Variants in AK9 observed in about 807,000 individuals in gnomAD.
The protein encoded by AK9 is adenylate kinase domain containing 1.
Under a neutral mutation model 239.6 loss-of-function variants are expected in AK9, and 191 were observed. The observed-to-expected ratio is 0.80, with a 90% CI of 0.71 to 0.90. The LOEUF is 0.90. AK9 is among the 40% of genes least tolerant of loss of function. AK9 has a pLI of 0.00. For missense variants in AK9, 1,995 were observed against 2,214.7 expected, an observed-to-expected ratio of 0.90 and a Z score of 1.99; for synonymous variants, 689 against 721.0, an observed-to-expected ratio of 0.96 and a Z score of 0.71.
In AK9 at chr6:109,573,514, G is replaced by C. The variant is rs1288951954; in HGVS notation, c.2272C>G (p.His758Asp). 1 of 1,551,378 alleles carries C rather than the reference G, an allele frequency of 6.4e-7. No homozygotes were observed. The highest frequency in any genetic ancestry group is 2.0e-5 in the Admixed American group (1 of 50,988). ...GGTAACCATGACCCTCGGGTATCGT[G>C]AGATGCCTCAGGCTCTTCGTGAACT... ...LEVHEEPEAS[H>D]DTRGSWLPEE... Residue 758 changes from histidine (H) to aspartate (D), a missense_variant, in exon 21 of 41, where the codon CAC (histidine) becomes GAC (aspartate). Coordinates refer to ENST00000424296, the MANE Select transcript of AK9 (RefSeq NM_001145128.3).
chr6:109,606,992 C>A (rs998807215), intron 17 of AK9, among the ~76,000 whole-genome samples: 2 of 151,982 alleles, frequency 1.3e-5, no homozygotes, highest in Non-Finnish European at 2.9e-5. Context: ...TAAAATATAA[C>A]CTATTTTCTT....
At chr6:109,498,079 G>T in intron 36 of AK9, 114 bp from the exon 37 acceptor site, 1 of 986,418 alleles carries the variant, frequency 1.0e-6, no homozygotes, top group Non-Finnish European at 1.5e-6. Context: ...GCGTTCTGCT[G>T]CTCCTCAAAC....
At chr6:109,657,931 T>G (rs1424527805) in intron 7 of AK9, among the ~76,000 whole-genome samples, 1 of 152,168 alleles carries the variant, frequency 6.6e-6, no homozygotes, top group Admixed American at 6.6e-5. Context: ...CTTTCCCATT[T>G]TTATCAATGT....
At chr6:109,672,053 T>C (rs1408439008) in intron 4 of AK9, 38 bp from the exon 5 acceptor site, 11 of 1,610,166 alleles carry the variant, frequency 6.8e-6, no homozygotes, top group Non-Finnish European at 9.3e-6. Flanking sequence ...TACTGTATAA[T>C]ATATCTATGA....
At chr6:109,587,851 C>A (rs1789714492) in intron 17 of AK9, among the ~76,000 whole-genome samples, 1 of 152,090 alleles carries the variant, frequency 6.6e-6, no homozygotes, top group Admixed American at 6.5e-5. Context: ...ATTTTTAGTT[C>A]TTTGAGAAAT....
chr6:109,555,055 T>C (rs1261415884), intron 24 of AK9, among the ~76,000 whole-genome samples: 2 of 152,202 alleles, frequency 1.3e-5, no homozygotes. Flanking sequence ...TTCTGCTAGC[T>C]TTTGGATTAG....
At position 109,585,253 on chromosome 6, in the gene AK9, G is replaced by T. The variant is rs779480247; in HGVS notation, c.2000-16C>A. On this transcript the variant is annotated splice_polypyrimidine_tract_variant and intron_variant, in intron 18 of 40. Transcript: ENST00000424296. ...AAACATTTTCCTGAAATACAGATAAGGAGACTAATATTACTTTTGTAGCTT... is the reference window on the plus strand; with the variant it reads ...AAACATTTTCCTGAAATACAGATAATGAGACTAATATTACTTTTGTAGCTT... 2.7e-6 allele frequency: 2 copies of T among 747,646 alleles called. No homozygotes were observed. The highest frequency in any genetic ancestry group is 3.5e-6 in the Non-Finnish European group (2 of 569,642). 46.3% of individuals were successfully genotyped at this position (747,646 alleles called of 1,614,324 possible).
At chr6:109,633,501 A>G (rs1418465911) in intron 10 of AK9, among the ~76,000 whole-genome samples, 178 bp from the exon 11 acceptor site, 2 of 152,214 alleles carry the variant, frequency 1.3e-5, no homozygotes, top group Non-Finnish European at 2.9e-5. Flanking sequence ...TTAATAAGAC[A>G]GTGTAGAACT....
chr6:109,677,526 G>C (rs1284370908), intron 1 of AK9, among the ~76,000 whole-genome samples: 1 of 152,008 alleles, frequency 6.6e-6, no homozygotes, highest in Non-Finnish European at 1.5e-5. Flanking sequence ...TTAAGAGTCT[G>C]TGTGTGTGTG....
intron 1 of AK9, among the ~76,000 whole-genome samples, chr6:109,690,875 T>C (rs1274999744): frequency 6.6e-6 from 1 of 152,056 alleles, no homozygotes; most frequent in East Asian, 1.9e-4. Flanking sequence ...TTTAAAACAA[T>C]TTCTTGGGCC....
Position 109,497,578 on chromosome 6 carries a change from A to C in AK9, c.5217-15T>G. 4 of 1,515,536 alleles carry C rather than the reference A, an allele frequency of 2.6e-6. No individual in the cohort carries two copies. The highest frequency in any genetic ancestry group is 3.6e-6 in the Non-Finnish European group (4 of 1,101,584). The allele number at this position is 1,515,536 out of a possible 1,614,324, so 93.9% of individuals were successfully genotyped here. ...GAGCTTCATATCTGGAAGACCAAAA[A>C]ACAAAACAAAACCTCTATTGTATAA... On this transcript the variant is annotated splice_polypyrimidine_tract_variant and intron_variant, in intron 37 of 40. Coordinates refer to ENST00000424296, the MANE Select transcript of AK9 (RefSeq NM_001145128.3).
chr6:109,514,069 T>C (rs1368332211), intron 32 of AK9, among the ~76,000 whole-genome samples, 155 bp downstream of exon 32: 3 of 152,182 alleles, frequency 2.0e-5, no homozygotes, highest in Non-Finnish European at 2.9e-5. Context: ...GGGAGACGGA[T>C]TGGAGATTTC....
At chr6:109,580,951 G>C (rs1788782047) in intron 19 of AK9, among the ~76,000 whole-genome samples, 1 of 151,656 alleles carries the variant, frequency 6.6e-6, no homozygotes, top group East Asian at 1.9e-4. Flanking sequence ...GAGGGTTTGT[G>C]GCAACCCTGC....
chr6:109,647,974 T>A (rs547343749), intron 8 of AK9, among the ~76,000 whole-genome samples: 2 of 152,048 alleles, frequency 1.3e-5, no homozygotes, highest in African/African-American at 2.4e-5. Flanking sequence ...CTGAACAACC[T>A]GCTCCTGAAT....
chr6:109,510,340 GT>G (rs1778597294), intron 32 of AK9, among the ~76,000 whole-genome samples: 1 of 152,128 alleles, frequency 6.6e-6, no homozygotes, highest in South Asian at 2.1e-4. Flanking sequence ...TCTGTTGACA[GT>G]GGAGTACCCT....
At chr6:109,578,141 G>C (rs1788363281) in intron 20 of AK9, among the ~76,000 whole-genome samples, 1 of 151,618 alleles carries the variant, frequency 6.6e-6, no homozygotes, top group Non-Finnish European at 1.5e-5. Context: ...TACCATGTTA[G>C]CCAGGCTGGT....
At chr6:109,552,308 T>C (rs1190532966) in intron 24 of AK9, among the ~76,000 whole-genome samples, 4 of 152,146 alleles carry the variant, frequency 2.6e-5, no homozygotes, top group African/African-American at 7.2e-5. Flanking sequence ...TTGAACTGAT[T>C]TGCACTCCCA....
chr6:109,593,089 T>A (rs532209354), intron 17 of AK9, among the ~76,000 whole-genome samples: 2 of 152,214 alleles, frequency 1.3e-5, no homozygotes, highest in South Asian at 4.1e-4. Context: ...TCTAACTGGG[T>A]TAATTCAGAA....
chr6:109,549,840 AT>A (rs1463168861), intron 25 of AK9: 12 of 268,456 alleles, frequency 4.5e-5, no homozygotes, highest in Middle Eastern at 1.2e-3. Flanking sequence ...TAATTTTTGT[AT>A]TTTTAGTAGA....
Sources: gnomAD v4.1 joint callset for allele counts (sites outside exome capture counted in the v4.1 genomes callset) on GRCh38, gnomAD v4.1.1 for gene constraint, MANE v1.5 for transcripts, NCBI Gene and HGNC (gene_info 2026-07-23, HGNC 2026-07-21) for gene names.